Variants in FBLN5 observed in about 807,000 individuals in gnomAD.
The protein encoded by FBLN5 is fibulin 5.
A neutral mutation model predicts 61.6 loss-of-function variants in FBLN5; 24 were observed. That is an observed-to-expected ratio of 0.39 (90% CI 0.28 to 0.55). The LOEUF (loss-of-function observed/expected upper bound fraction) is 0.55. Among genes scored for constraint, FBLN5 ranks in the 20% least tolerant of loss-of-function variants. The pLI, the probability that FBLN5 is intolerant of heterozygous loss-of-function variation, is 0.65. For missense variants in FBLN5, 470 were observed against 594.1 expected (o/e 0.79, Z 2.17); for synonymous variants, 213 against 219.8 (o/e 0.97, Z 0.27).
chr14:91,870,969 A>C (rs1307694720), intron 10 of FBLN5, among the ~76,000 whole-genome samples: 1 of 152,174 alleles, frequency 6.6e-6, no homozygotes, highest in Non-Finnish European at 1.5e-5. Flanking sequence ...ACACATGGAC[A>C]CAAAGAAGGG....
At position 91,896,980 on chromosome 14, in the gene FBLN5, C is replaced by T. The variant is rs112496685; in HGVS notation, c.380-1908G>A. 2.1e-3 allele frequency among the ~76,000 whole-genome samples: 317 copies of T among 152,276 alleles called. 4 individuals are homozygous for T. Among genetic ancestry groups the T allele is most frequent in the African/African-American group, 7.2e-3 (298 of 41,550 alleles). The stretch of plus-strand genomic sequence containing the variant: ...TTCAACTGGGTGAGCAGTGGTCCCT[C>T]GGCTTCAGGTGATATGGCTACAAAT... On this transcript the variant is annotated intron_variant, in intron 4 of 10. Transcript: ENST00000342058.
intron 4 of FBLN5, among the ~76,000 whole-genome samples, chr14:91,904,301 C>T (rs931054253): frequency 2.0e-5 from 3 of 152,194 alleles, no homozygotes; most frequent in Non-Finnish European, 4.4e-5. Flanking sequence ...CCAGACACAT[C>T]GGAAGAGACA....
rs1334576100 is a variant in FBLN5, at chr14:91,909,124, A to G, written c.380-14052T>C. 2.0e-5 allele frequency among the ~76,000 whole-genome samples: 3 copies of G among 152,082 alleles called. No individual in the cohort carries two copies. In the East Asian group the frequency reaches 5.8e-4, roughly 29 times the overall value. ...AGTAGAGATGGGGTTTCACCGTGTT[A>G]GCCAGGATGGTCTCAATCTCCTGAC... On this transcript the variant is annotated intron_variant, in intron 4 of 10. Transcript: ENST00000342058.
intron 4 of FBLN5, among the ~76,000 whole-genome samples, chr14:91,900,201 T>C (rs1390369184): frequency 6.6e-6 from 1 of 152,212 alleles, no homozygotes; most frequent in Admixed American, 6.5e-5. Context: ...AAGTAATGGT[T>C]CCAAGTATGA....
At chr14:91,946,789 C>CA in intron 1 of FBLN5, 1 of 1,535,980 alleles carries the variant, frequency 6.5e-7, no homozygotes, top group South Asian at 1.2e-5. Flanking sequence ...AGAGCAAATC[C>CA]AGCCCCGCGG....
At chr14:91,905,581 C>CT (rs34047802) in intron 4 of FBLN5, among the ~76,000 whole-genome samples, 14 of 134,736 alleles carry the variant, frequency 1.0e-4, no homozygotes, top group East Asian at 4.4e-4. Context: ...AGAATATGAG[C>CT]TTTTTTTTTT....
In FBLN5 at chr14:91,920,178, T is replaced by C. The variant is rs550744695; in HGVS notation, c.379+16769A>G. ...GTTGCACTATCTCCTGTTGTCTTAA[T>C]GACTCTATTTTATTAACCCATTTGT... On this transcript the variant is annotated intron_variant, in intron 4 of 10. Coordinates refer to ENST00000342058, the MANE Select transcript of FBLN5 (RefSeq NM_006329.4). Among the ~76,000 whole-genome samples, 13 of 152,312 alleles carry C rather than the reference T, an allele frequency of 8.5e-5. No individual in the cohort carries two copies. In the South Asian group the frequency reaches 2.7e-3, roughly 32 times the overall value.
intron 4 of FBLN5, among the ~76,000 whole-genome samples, chr14:91,896,391 C>T (rs547551195): frequency 4.9e-4 from 74 of 152,320 alleles, no homozygotes; most frequent in African/African-American, 1.7e-3. Flanking sequence ...CCTTCCCTCC[C>T]CTCTTCATTC....
At chr14:91,891,389 C>T (rs767705850) in intron 5 of FBLN5, 52 bp from the exon 6 acceptor site, 10 of 1,112,260 alleles carry the variant, frequency 9.0e-6, no homozygotes, top group South Asian at 2.5e-5. Flanking sequence ...CTCAATGATG[C>T]CCCCACTAGC....
At position 91,894,884 on chromosome 14, in the gene FBLN5, C is replaced by T. The variant is rs150039638; in HGVS notation, c.502+66G>A. 1.2e-3 allele frequency: 1,621 copies of T among 1,347,272 alleles called. 14 individuals are homozygous for T. The African/African-American group carries it at 0.022, about 18-fold the overall frequency. The allele number at this position is 1,347,272 out of a possible 1,614,324, so 83.5% of individuals were successfully genotyped here. The stretch of plus-strand genomic sequence containing the variant: ...CCTCAGGCAGCCAGCTATGCCCATA[C>T]CTCAAAATGCCCCTGGCAACCGTTA... On this transcript the variant is annotated intron_variant, in intron 5 of 10. Coordinates refer to ENST00000342058, the MANE Select transcript of FBLN5 (RefSeq NM_006329.4).
chr14:91,881,504 A>G, intron 8 of FBLN5, 86 bp from the exon 9 acceptor site: 1 of 1,421,528 alleles, frequency 7.0e-7, no homozygotes, highest in Non-Finnish European at 9.9e-7. Flanking sequence ...GGATCTTACT[A>G]CAGAGCTGTA....
At position 91,947,394 on chromosome 14, in the gene FBLN5, G is replaced by A; in HGVS notation, c.-165C>T. 3.9e-6 allele frequency: 3 copies of A among 769,190 alleles called. No homozygotes were observed. The South Asian group carries it at 4.5e-5, about 11-fold the overall frequency. The allele number at this position is 769,190 out of a possible 1,614,324, so 47.6% of individuals were successfully genotyped here. ...TGGAGAGGACACGGGGAGAGCGCCG[G>A]GGTCCTCCCAGCCACTGCAGAGCCC... On this transcript the variant is annotated 5_prime_UTR_variant, in exon 1 of 11. Coordinates refer to ENST00000342058, the MANE Select transcript of FBLN5 (RefSeq NM_006329.4). This position sits in a 1 kb window ranked among gnomAD's most constrained non-coding sequence, Gnocchi z 4.3.
intron 1 of FBLN5, among the ~76,000 whole-genome samples, chr14:91,946,080 C>G (rs1444689312): frequency 2.1e-5 from 3 of 145,366 alleles, no homozygotes; most frequent in African/African-American, 7.4e-5. Flanking sequence ...CTAACCCCAT[C>G]TTTCCCCCTA....
intron 4 of FBLN5, among the ~76,000 whole-genome samples, chr14:91,897,142 C>T (rs1461345236): frequency 6.6e-6 from 1 of 152,052 alleles, no homozygotes; most frequent in South Asian, 2.1e-4. Context: ...GAACCTAGTG[C>T]CAAGATGACG....
chr14:91,923,298 T>G (rs1402292029), intron 4 of FBLN5, among the ~76,000 whole-genome samples: 1 of 152,174 alleles, frequency 6.6e-6, no homozygotes, highest in Non-Finnish European at 1.5e-5. Context: ...AAACCAGTGT[T>G]CACAGAATAA....
rs548605152 is a variant in FBLN5 at position 91,931,824 on chromosome 14, C to T, written c.379+5123G>A. Among the ~76,000 whole-genome samples, 15 of 152,296 alleles carry T rather than the reference C, an allele frequency of 9.8e-5. No homozygotes were observed. The East Asian group carries it at 2.9e-3, about 29-fold the overall frequency. On this transcript the variant is annotated intron_variant, in intron 4 of 10. Coordinates refer to ENST00000342058, the MANE Select transcript of FBLN5 (RefSeq NM_006329.4). ...TGGCGGCCACGTTCAGGGACCCGGT[C>T]TTAGAGGCAGCGTGCCATGAGAGGA...
intron 4 of FBLN5, among the ~76,000 whole-genome samples, chr14:91,911,151 T>A (rs903019231): frequency 1.3e-5 from 2 of 152,018 alleles, no homozygotes; most frequent in Admixed American, 6.6e-5. Context: ...GCCCAGCTAA[T>A]TTTTGTATTT....
intron 1 of FBLN5, among the ~76,000 whole-genome samples, chr14:91,944,427 T>C (rs1376925192): frequency 2.0e-5 from 3 of 152,196 alleles, no homozygotes; most frequent in Non-Finnish European, 4.4e-5. Context: ...AGAATTTCCA[T>C]GTGATCCAGC....
chr14:91,926,513 G>T (rs951936958), intron 4 of FBLN5, among the ~76,000 whole-genome samples: 3 of 152,208 alleles, frequency 2.0e-5, no homozygotes, highest in African/African-American at 7.2e-5. Flanking sequence ...CCAGAGAAAG[G>T]CTCGAAAGCT....
Sources: allele counts gnomAD v4.1 joint callset (sites outside exome capture counted in the v4.1 genomes callset), GRCh38; gene constraint gnomAD v4.1.1; non-coding constraint Gnocchi (gnomAD v3.1); transcripts MANE v1.5; gene names NCBI Gene and HGNC (gene_info 2026-07-23, HGNC 2026-07-21).